The following ZGPAT variants were observed in gnomAD, a reference collection of about 807,000 sequenced individuals.
ZGPAT encodes the protein zinc finger CCCH-type and G-patch domain containing, also known as zinc finger CCCH-type with G patch domain-containing protein.
ZGPAT carries 39 observed loss-of-function variants against 47.9 expected under a neutral mutation model. The observed-to-expected ratio is 0.81, with a 90% confidence interval of 0.63 to 1.06. ZGPAT has a LOEUF of 1.06. ZGPAT is among the 50% of genes least tolerant of loss of function. ZGPAT has a pLI of 0.00. For missense variants in ZGPAT, 717 were observed against 681.4 expected (o/e 1.05, Z -0.58); for synonymous variants, 348 against 292.9 (o/e 1.19, Z -1.92).
intron 2 of ZGPAT, among the ~76,000 whole-genome samples, chr20:63,716,480 T>G (rs1229476324): frequency 6.6e-6 from 1 of 152,126 alleles, no homozygotes; most frequent in Non-Finnish European, 1.5e-5. Context: ...CCACTTTCTC[T>G]CTTGGTTTTA....
chr20:63,725,269 C>T (rs148177105), intron 2 of ZGPAT, among the ~76,000 whole-genome samples: 4 of 152,220 alleles, frequency 2.6e-5, no homozygotes, highest in African/African-American at 9.6e-5. Context: ...CAGGCGTGAG[C>T]CACCGCGCCC....
At chr20:63,717,635 C>T (rs1254436713) in intron 2 of ZGPAT, among the ~76,000 whole-genome samples, 1 of 152,102 alleles carries the variant, frequency 6.6e-6, no homozygotes, top group Non-Finnish European at 1.5e-5. Flanking sequence ...AGCAGCGATG[C>T]GATCATAGCT....
At chr20:63,731,961 TATATAA>T (rs2091909155) in intron 2 of ZGPAT, among the ~76,000 whole-genome samples, 1 of 152,228 alleles carries the variant, frequency 6.6e-6, no homozygotes, top group African/African-American at 2.4e-5. Flanking sequence ...TATGTCATTA[TATATAA>T]GGGACTTGAG....
chr20:63,729,211 G>A (rs1014808450), intron 2 of ZGPAT, among the ~76,000 whole-genome samples: 1 of 151,876 alleles, frequency 6.6e-6, no homozygotes, highest in Non-Finnish European at 1.5e-5. Context: ...TAAATTTTTG[G>A]TAGAGGTGGG....
intron 2 of ZGPAT, among the ~76,000 whole-genome samples, chr20:63,731,827 A>T (rs2091907656): frequency 6.6e-6 from 1 of 152,220 alleles, no homozygotes; most frequent in African/African-American, 2.4e-5. Flanking sequence ...GAAGAAAAGG[A>T]TGGCTGCGTC....
chr20:63,727,530 G>A (rs1226540278), intron 2 of ZGPAT, among the ~76,000 whole-genome samples: 1 of 151,922 alleles, frequency 6.6e-6, no homozygotes, highest in Admixed American at 6.6e-5. Context: ...AGTTAGCTGG[G>A]CGTAGTAGCT....
At chr20:63,719,898 A>G (rs1023077339) in intron 2 of ZGPAT, among the ~76,000 whole-genome samples, 1 of 150,390 alleles carries the variant, frequency 6.6e-6, no homozygotes, top group Admixed American at 6.6e-5. Context: ...GTGCCACCAC[A>G]CCCACCTAAT....
At chr20:63,711,954 T>G (rs894783418) in intron 2 of ZGPAT, among the ~76,000 whole-genome samples, 2 of 152,198 alleles carry the variant, frequency 1.3e-5, no homozygotes, top group Non-Finnish European at 2.9e-5. Context: ...TTGCTCCCAT[T>G]GTTTGGGTTG....
At chr20:63,726,203 A>ATT (rs2091843775) in intron 2 of ZGPAT, among the ~76,000 whole-genome samples, 1 of 16,902 alleles carries the variant, frequency 5.9e-5, no homozygotes, top group African/African-American at 4.9e-4. Context: ...ACATCTAATT[A>ATT]ATTTTTTTTT....
At chr20:63,731,118 G>A (rs970100989) in intron 2 of ZGPAT, among the ~76,000 whole-genome samples, 2 of 152,168 alleles carry the variant, frequency 1.3e-5, no homozygotes, top group Non-Finnish European at 2.9e-5. Flanking sequence ...CAGCACATCT[G>A]CCTTGATGCA....
At chr20:63,728,450 G>T (rs1437871985) in intron 2 of ZGPAT, among the ~76,000 whole-genome samples, 1 of 152,156 alleles carries the variant, frequency 6.6e-6, no homozygotes, top group African/African-American at 2.4e-5. Flanking sequence ...AACCCAAAAG[G>T]CTCCCCACCA....
intron 2 of ZGPAT, among the ~76,000 whole-genome samples, chr20:63,727,271 G>A (rs930636666): frequency 6.9e-6 from 1 of 144,962 alleles, no homozygotes; most frequent in Non-Finnish European, 1.5e-5. Flanking sequence ...GACAGAGTCT[G>A]CCTCTGTTGC....
chr20:63,726,947 C>A (rs964315426), intron 2 of ZGPAT, among the ~76,000 whole-genome samples: 1 of 152,044 alleles, frequency 6.6e-6, no homozygotes, highest in African/African-American at 2.4e-5. Flanking sequence ...CACCATCATG[C>A]TCCCTCACCA....
chr20:63,718,746 G>A (rs2091757405), intron 2 of ZGPAT, among the ~76,000 whole-genome samples: 1 of 151,766 alleles, frequency 6.6e-6, no homozygotes, highest in African/African-American at 2.4e-5. Flanking sequence ...GTGAGTCACA[G>A]TACCTGGCCT....
chr20:63,730,478 C>T (rs2091886234), intron 2 of ZGPAT: 1 of 152,228 alleles, frequency 6.6e-6, no homozygotes. Context: ...GAAGGCCTGT[C>T]CTCAGTTGCT....
At chr20:63,734,471 A>G (rs1357451095) in intron 4 of ZGPAT, 7 of 749,666 alleles carry the variant, frequency 9.3e-6, no homozygotes, top group South Asian at 3.6e-5. Flanking sequence ...GGGGACTGCC[A>G]TGCACTCTGC....
Position 63,735,464 on chromosome 20 carries a change from C to CG in ZGPAT, c.1300dup (p.Ala434GlyfsTer10). The CG allele has an allele frequency of 6.4e-7, 1 of 1,563,648 alleles. No individual in the cohort carries two copies. The highest frequency in any genetic ancestry group is 8.6e-7 in the Non-Finnish European group (1 of 1,159,018). On this transcript the variant is annotated frameshift_variant, in exon 6 of 7. Coordinates refer to ENST00000355969, the MANE Select transcript of ZGPAT (RefSeq NM_181485.3). LOFTEE classifies it high-confidence loss of function. ...GTACCATGCCAGCAAGAGTGCCAAG[C>CG]GGGCCCTGAGCCTGCGGCTCTTCCA...
chr20:63,731,595 G>T (rs1285808512), intron 2 of ZGPAT, among the ~76,000 whole-genome samples: 2 of 150,572 alleles, frequency 1.3e-5, no homozygotes, highest in Non-Finnish European at 3.0e-5. Flanking sequence ...CATGTGTAAA[G>T]TGTACAGTTG....
chr20:63,707,979 G>C (rs2091581257), upstream of ZGPAT: 1 of 152,190 alleles, frequency 6.6e-6, no homozygotes, highest in Non-Finnish European at 1.5e-5. Flanking sequence ...CAGGGAATGA[G>C]CTGAACCGCG....
Sources: allele counts gnomAD v4.1 joint callset (sites outside exome capture counted in the v4.1 genomes callset), GRCh38; gene constraint gnomAD v4.1.1; transcripts MANE v1.5; gene names NCBI Gene and HGNC (gene_info 2026-07-23, HGNC 2026-07-21).